Variants in THADA observed in about 807,000 individuals in gnomAD.
THADA encodes the protein tRNA (32-2'-O)-methyltransferase regulator THADA.
Under a neutral mutation model 219.8 loss-of-function variants are expected in THADA, and 213 were observed. The ratio of observed to expected loss-of-function variants is 0.97; its 90% confidence interval spans 0.87 to 1.09. The LOEUF (loss-of-function observed/expected upper bound fraction) is 1.09, where lower values mean the gene tolerates loss of function less well. THADA is among the 50% of genes least tolerant of loss of function. The pLI is 0.00. For synonymous variants in THADA, 1,018 were observed against 828.9 expected (o/e 1.23, Z -3.92); for missense variants, 2,956 against 2,311.3 (o/e 1.28, Z -5.72).
chr2:43,389,458 C>T (rs1673089244), intron 29 of THADA, among the ~76,000 whole-genome samples: 1 of 152,134 alleles, frequency 6.6e-6, no homozygotes, highest in African/African-American at 2.4e-5. Context: ...TAGTCTCTAA[C>T]AATAACCATA....
intron 28 of THADA, among the ~76,000 whole-genome samples, chr2:43,399,407 T>C (rs562343011): frequency 2.8e-4 from 43 of 152,328 alleles, no homozygotes; most frequent in African/African-American, 9.4e-4. Context: ...GGCCCTACAA[T>C]AGCAATGTTT....
intron 28 of THADA, among the ~76,000 whole-genome samples, chr2:43,418,935 G>C (rs1377455758): frequency 1.3e-5 from 2 of 152,188 alleles, no homozygotes; most frequent in East Asian, 3.9e-4. Flanking sequence ...ACTCCTATTT[G>C]TTGGTGCAGT....
chr2:43,412,959 C>T (rs1209518499), intron 28 of THADA, among the ~76,000 whole-genome samples: 2 of 152,102 alleles, frequency 1.3e-5, no homozygotes, highest in Admixed American at 6.5e-5. Context: ...TGTCTCATAA[C>T]TACCTTCAAA....
At chr2:43,388,016 T>C (rs1672899017) in intron 29 of THADA, among the ~76,000 whole-genome samples, 1 of 152,256 alleles carries the variant, frequency 6.6e-6, no homozygotes, top group African/African-American at 2.4e-5. Context: ...AATGGTCAGC[T>C]GTGTCCTTAG....
At chr2:43,377,994 G>T (rs1671573840) in intron 29 of THADA, among the ~76,000 whole-genome samples, 1 of 152,208 alleles carries the variant, frequency 6.6e-6, no homozygotes, top group African/African-American at 2.4e-5. Context: ...ATTTGGGTTT[G>T]TATAGTATTT....
At chr2:43,286,805 G>A (rs1180676125) in intron 35 of THADA, 103 bp downstream of exon 35, 7 of 1,293,560 alleles carry the variant, frequency 5.4e-6, no homozygotes, top group Non-Finnish European at 7.6e-6. Context: ...CATAAAGGCA[G>A]GTGTCATGTT....
At chr2:43,379,793 T>C (rs1671785451) in intron 29 of THADA, among the ~76,000 whole-genome samples, 1 of 152,200 alleles carries the variant, frequency 6.6e-6, no homozygotes, top group African/African-American at 2.4e-5. Context: ...ACAATCAAGA[T>C]GTCCTTCAAC....
chr2:43,563,658 T>A (rs1386027155), intron 15 of THADA: 1 of 152,152 alleles, frequency 6.6e-6, no homozygotes, highest in African/African-American at 2.4e-5. Flanking sequence ...TTAATCTAAT[T>A]GTAGATTTTT....
intron 31 of THADA, among the ~76,000 whole-genome samples, chr2:43,296,258 C>A (rs1156927030): frequency 6.6e-6 from 1 of 150,992 alleles, no homozygotes; most frequent in Non-Finnish European, 1.5e-5. Flanking sequence ...ATTCCCAGCT[C>A]ACCAGGAGGC....
intron 26 of THADA, among the ~76,000 whole-genome samples, chr2:43,441,827 C>G (rs542300322): frequency 2.0e-5 from 3 of 152,288 alleles, no homozygotes; most frequent in South Asian, 2.1e-4. Context: ...ATAGGTGAGT[C>G]TTCTCTCTCA....
chr2:43,555,315 G>T (rs1194705188), intron 17 of THADA, among the ~76,000 whole-genome samples: 3 of 151,378 alleles, frequency 2.0e-5, no homozygotes. Flanking sequence ...GAGTGTTATT[G>T]TATGACTTAA....
intron 25 of THADA, among the ~76,000 whole-genome samples, chr2:43,493,143 G>C (rs1190237506): frequency 1.3e-5 from 2 of 152,128 alleles, no homozygotes; most frequent in African/African-American, 4.8e-5. Flanking sequence ...ACCCTCCTTT[G>C]AAACCCACTG....
chr2:43,467,855 C>A (rs1684443566), intron 26 of THADA, among the ~76,000 whole-genome samples: 1 of 152,186 alleles, frequency 6.6e-6, no homozygotes, highest in African/African-American at 2.4e-5. Context: ...ATAATATAGC[C>A]AGTGCTCTCA....
intron 7 of THADA, among the ~76,000 whole-genome samples, 169 bp downstream of exon 7, chr2:43,586,232 T>C (rs889489352): frequency 4.6e-5 from 7 of 152,122 alleles, no homozygotes; most frequent in African/African-American, 1.4e-4. Context: ...ACCACTGCAC[T>C]ACAGCCTGGG....
chr2:43,273,909 A>AT (rs1380060662), intron 36 of THADA, among the ~76,000 whole-genome samples: 1 of 152,022 alleles, frequency 6.6e-6, no homozygotes, highest in African/African-American at 2.4e-5. Flanking sequence ...ACATGTGTGC[A>AT]GATGTTGTTT....
intron 28 of THADA, among the ~76,000 whole-genome samples, chr2:43,423,252 T>A (rs539427843): frequency 6.6e-6 from 1 of 152,192 alleles, no homozygotes; most frequent in South Asian, 2.1e-4. Flanking sequence ...ATTTTTTTTA[T>A]GGCTACTTTT....
intron 25 of THADA, among the ~76,000 whole-genome samples, chr2:43,487,066 C>G (rs1292725447): frequency 1.3e-5 from 2 of 152,176 alleles, no homozygotes; most frequent in Admixed American, 6.5e-5. Flanking sequence ...CAACAGCCAT[C>G]AAACATCCAA....
intron 28 of THADA, among the ~76,000 whole-genome samples, chr2:43,416,811 T>C (rs1309033101): frequency 6.6e-6 from 1 of 152,182 alleles, no homozygotes; most frequent in African/African-American, 2.4e-5. Context: ...GTACAGATGA[T>C]CAACTAACAA....
In THADA at chr2:43,292,887, C is replaced by G. The variant is rs1186943213; in HGVS notation, c.4765G>C (p.Glu1589Gln). The stretch of plus-strand genomic sequence containing the variant: ...TTCATGGCCAACAATAAGAACTTCT[C>G]TCCCATGTTGCACAGCAAGGGTGGC... ...GVPPLLCNMG[E>Q]KFLLLAMKEN... The change falls in exon 32 of 38, where the codon GAG (glutamate) becomes CAG (glutamine). Residue 1589 changes from glutamate (E) to glutamine (Q), a missense_variant. Coordinates refer to ENST00000405975, the MANE Select transcript of THADA (RefSeq NM_022065.5). The G allele has an allele frequency of 5.6e-6, 9 of 1,613,870 alleles. No individual in the cohort carries two copies. Among genetic ancestry groups the G allele is most frequent in the Non-Finnish European group, 6.8e-6 (8 of 1,179,906 alleles).
Sources: allele counts gnomAD v4.1 joint callset (sites outside exome capture counted in the v4.1 genomes callset), GRCh38; gene constraint gnomAD v4.1.1; transcripts MANE v1.5; gene names NCBI Gene and HGNC (gene_info 2026-07-23, HGNC 2026-07-21).